Variants in CTSF observed in about 807,000 individuals in gnomAD.
CTSF encodes the protein cathepsin F.
In CTSF, 65 loss-of-function variants were observed where a neutral mutation model predicts 63.5. The ratio of observed to expected loss-of-function variants is 1.02; its 90% CI spans 0.84 to 1.26. CTSF has a LOEUF of 1.26. Ranked by LOEUF, CTSF falls within the 50% of genes most tolerant of loss-of-function variation. The probability of loss-of-function intolerance (pLI) is 0.00; values close to 1 mark genes in which losing one functional copy is unlikely to be tolerated. For synonymous variants in CTSF, 256 were observed against 258.1 expected (o/e 0.99, Z 0.08); for missense variants, 641 against 631.0 (o/e 1.02, Z -0.17).
chr11:66,564,158 T>C lies in CTSF; in HGVS notation c.1322-12A>G. The C allele has an allele frequency of 6.2e-7, 1 of 1,608,156 alleles. No homozygotes were observed. The highest frequency in any genetic ancestry group is 8.5e-7 in the Non-Finnish European group (1 of 1,177,334). On this transcript the variant is annotated splice_polypyrimidine_tract_variant and intron_variant, in intron 11 of 12. Transcript: ENST00000310325. ...GGGAACGTCAGAGCCTGGGGTGCAGTGCAGAGCGCAAGGATCAGGGTCCTT... is the reference window on the plus strand; with the variant it reads ...GGGAACGTCAGAGCCTGGGGTGCAGCGCAGAGCGCAAGGATCAGGGTCCTT...
Position 66,568,297 on chromosome 11 carries a change from G to A in CTSF, c.190C>T (p.Leu64Phe), listed in dbSNP as rs770803129. 12 of 1,358,998 alleles carry A rather than the reference G, an allele frequency of 8.8e-6. No individual in the cohort carries two copies. The highest frequency in any genetic ancestry group is 1.1e-5 in the Non-Finnish European group (12 of 1,067,308). The allele number at this position is 1,358,998 out of a possible 1,614,324, so 84.2% of individuals were successfully genotyped here. Reference protein sequence around the residue: ...RAAGTRAVLGLVRGRVRRAGQ... With the variant: ...RAAGTRAVLGFVRGRVRRAGQ... The stretch of plus-strand genomic sequence containing the variant: ...ACCCGGCGGACGCGGCCGCGCACAA[G>A]GCCCAGCACGGCCCGCGTCCCCGCA... The change falls in exon 1 of 13, where the codon CTT (leucine) becomes TTT (phenylalanine). Residue 64 changes from leucine to phenylalanine, a missense_variant. By Grantham distance (22) the Leu-to-Phe change is conservative. Transcript: ENST00000310325.
chr11:66,568,205 C>T, intron 1 of CTSF, 69 bp downstream of exon 1: 2 of 1,528,676 alleles, frequency 1.3e-6, no homozygotes, highest in Non-Finnish European at 1.8e-6. Context: ...AGGCCCCATC[C>T]CAATGTTAGG....
rs745744669 is a variant in CTSF, at chr11:66,564,779, CCT to C, written c.1191_1192del (p.Gly398ProfsTer32). 1 of 1,613,906 alleles carries C rather than the reference CCT, an allele frequency of 6.2e-7. No individual in the cohort carries two copies. Among genetic ancestry groups the C allele is most frequent in the Non-Finnish European group, 8.5e-7 (1 of 1,180,030 alleles). On this transcript the variant is annotated frameshift_variant, in exon 10 of 13. Coordinates refer to ENST00000310325, the MANE Select transcript of CTSF (RefSeq NM_003793.4). LOFTEE classifies it high-confidence loss of function. ...GGCATTGATGGCCACGGAGATTGGG[CCT>C]CTCTTGGCCAGCCAGGCTGCCAGCT... is the stretch of plus-strand genomic sequence containing the variant.
Position 66,563,808 on chromosome 11 carries a change from C to A in CTSF, c.*125G>T. 1 of 1,215,446 alleles carries A rather than the reference C, an allele frequency of 8.2e-7. No individual in the cohort carries two copies. Among genetic ancestry groups the A allele is most frequent in the South Asian group, 1.4e-5 (1 of 72,654 alleles). The allele number at this position is 1,215,446 out of a possible 1,614,324, so 75.3% of individuals were successfully genotyped here. Reference sequence around the variant, plus strand: ...GTGCCCCAGCCCAGTGCCCTCTGCTCACCCTGAGGTACCCAGTGCCTTTCC... The same window carrying A: ...GTGCCCCAGCCCAGTGCCCTCTGCTAACCCTGAGGTACCCAGTGCCTTTCC... On this transcript the variant is annotated 3_prime_UTR_variant, in exon 13 of 13. Coordinates refer to ENST00000310325, the MANE Select transcript of CTSF (RefSeq NM_003793.4).
chr11:66,568,342 T>A lies in CTSF; in HGVS notation c.145A>T (p.Met49Leu). ...LLAPTRFALE[M>L]FNRGRAAGTR... ...CCCGCAGCCCGGCCGCGGTTGAACA[T>A]CTCCAGCGCGAAGCGGGTGGGCGCC... Residue 49 changes from methionine to leucine, a missense_variant, in exon 1 of 13, where the codon ATG becomes TTG. Met to Leu is a conservative substitution (Grantham distance 15). Transcript: ENST00000310325. 1 of 1,306,326 alleles carries A rather than the reference T, an allele frequency of 7.7e-7. No homozygotes were observed. The allele number at this position is 1,306,326 out of a possible 1,614,324, so 80.9% of individuals were successfully genotyped here.
chr11:66,563,687 ACC>A lies in CTSF; in HGVS notation c.*244_*245del. On this transcript the variant is annotated 3_prime_UTR_variant, in exon 13 of 13. Coordinates refer to ENST00000310325, the MANE Select transcript of CTSF (RefSeq NM_003793.4). ...CCCCAGCTTCAACTGCCAAGATACC[ACC>A]CTTCACCCCGACATCCTCCTAAGCT... 1.7e-6 allele frequency: 1 copy of A among 594,246 alleles called. No individual in the cohort carries two copies. The highest frequency in any genetic ancestry group is 2.1e-5 in the South Asian group (1 of 46,988). 36.8% of individuals were successfully genotyped at this position (594,246 alleles called of 1,614,324 possible).
intron 4 of CTSF, among the ~76,000 whole-genome samples, chr11:66,566,907 T>C (rs568389834): frequency 2.6e-5 from 4 of 151,982 alleles, no homozygotes; most frequent in Non-Finnish European, 5.9e-5. Flanking sequence ...ACTTTTTTTT[T>C]AGTAGAGATG....
rs201693863 is a variant in CTSF, at chr11:66,564,816, G to C, written c.1166-10C>G. On this transcript the variant is annotated splice_polypyrimidine_tract_variant and intron_variant, in intron 9 of 12. Coordinates refer to ENST00000310325, the MANE Select transcript of CTSF (RefSeq NM_003793.4). Reference sequence around the variant, plus strand: ...AGCCAGGCTGCCAGCTCTGAGATGGGAAGGGGTGGCATCAGTAGGCACCCA... The same window carrying C: ...AGCCAGGCTGCCAGCTCTGAGATGGCAAGGGGTGGCATCAGTAGGCACCCA... 6.2e-7 allele frequency: 1 copy of C among 1,614,138 alleles called. No homozygotes were observed. Among genetic ancestry groups the C allele is most frequent in the Admixed American group, 1.7e-5 (1 of 60,032 alleles).
In CTSF at chr11:66,567,326, A is replaced by G; in HGVS notation, c.532-5T>C. The stretch of plus-strand genomic sequence containing the variant: ...AGCCATCTTCACAGGCAAGTCCTGG[A>G]TAGGCAGACCAGTCTTTAGGCTGAC... On this transcript the variant is annotated splice_polypyrimidine_tract_variant and splice_region_variant and intron_variant, in intron 3 of 12. Transcript: ENST00000310325. 1 of 1,614,186 alleles carries G rather than the reference A, an allele frequency of 6.2e-7. No individual in the cohort carries two copies. Among genetic ancestry groups the G allele is most frequent in the African/African-American group, 1.3e-5 (1 of 75,046 alleles).
intron 2 of CTSF, 139 bp from the exon 3 acceptor site, chr11:66,567,801 C>A (rs537428419): frequency 1.5e-6 from 2 of 1,373,554 alleles, no homozygotes; most frequent in Non-Finnish European, 1.9e-6. Flanking sequence ...CAGTGAGGCA[C>A]GGCCTGCACC....
At position 66,563,675 on chromosome 11, in the gene CTSF, T is replaced by G. The variant is rs1205569966; in HGVS notation, c.*258A>C. ...CCAGAGTTCTTGCCCCAGCTTCAAC[T>G]GCCAAGATACCACCCTTCACCCCGA... On this transcript the variant is annotated 3_prime_UTR_variant, in exon 13 of 13. Transcript: ENST00000310325. The G allele has an allele frequency of 1.9e-5, 11 of 585,098 alleles. No individual in the cohort carries two copies. Among genetic ancestry groups the G allele is most frequent in the Non-Finnish European group, 3.0e-6 (1 of 329,946 alleles). The allele number at this position is 585,098 out of a possible 1,614,324, so 36.2% of individuals were successfully genotyped here. A position where few individuals can be genotyped will look rare whatever the true frequency, so the allele number is the denominator to read the frequency against.
chr11:66,567,522 CAG>C lies in CTSF; in HGVS notation c.451_452del (p.Leu151ValfsTer21). 6.2e-7 allele frequency: 1 copy of C among 1,614,206 alleles called. No homozygotes were observed. Among genetic ancestry groups the C allele is most frequent in the Non-Finnish European group, 8.5e-7 (1 of 1,180,042 alleles). ...TTCTGTTGTCTGGATGGTTTTGGGACAGAGAAGAAATCATGGCTGAGCCCTGA... is the reference window on the plus strand; with the variant it reads ...TTCTGTTGTCTGGATGGTTTTGGGACAGAAGAAATCATGGCTGAGCCCTGA... The part of the protein sequence containing the change: ...FTQGSAMISS[L>X]SQNHPDNRNE... On this transcript the variant is annotated frameshift_variant, in exon 3 of 13. Coordinates refer to ENST00000310325, the MANE Select transcript of CTSF (RefSeq NM_003793.4). LOFTEE classifies it high-confidence loss of function.
rs1395593946 is a variant in CTSF at position 66,568,534 on chromosome 11, C to T, written c.-48G>A. 1.7e-5 allele frequency: 25 copies of T among 1,470,188 alleles called. No homozygotes were observed. Among genetic ancestry groups the T allele is most frequent in the Non-Finnish European group, 2.1e-5 (24 of 1,118,506 alleles). 91.1% of individuals were successfully genotyped at this position (1,470,188 alleles called of 1,614,324 possible). ...CGGACCCAACAGACGCTCCACCGAC[C>T]CACCGGGTACCGAGCCCGCGGCCAG... On this transcript the variant is annotated 5_prime_UTR_variant, in exon 1 of 13. Coordinates refer to ENST00000310325, the MANE Select transcript of CTSF (RefSeq NM_003793.4).
At chr11:66,566,512 G>C in intron 4 of CTSF, 108 bp from the exon 5 acceptor site, 1 of 957,182 alleles carries the variant, frequency 1.0e-6, no homozygotes. Flanking sequence ...TAGGGGTGGG[G>C]GCCAGACATG....
At chr11:66,564,467 T>TC in intron 11 of CTSF, 91 bp downstream of exon 11, 1 of 1,169,406 alleles carries the variant, frequency 8.6e-7, no homozygotes. Flanking sequence ...TCCTAGGCAT[T>TC]CCCCCTATTT....
chr11:66,568,220 A>T, intron 1 of CTSF, 54 bp downstream of exon 1: 1 of 1,526,216 alleles, frequency 6.6e-7, no homozygotes, highest in African/African-American at 1.4e-5. Context: ...GTTAGGTCAA[A>T]GCTCCTATCC....
At position 66,564,026 on chromosome 11, in the gene CTSF, T is replaced by C; in HGVS notation, c.1381-19A>G. 1.2e-6 allele frequency: 2 copies of C among 1,613,746 alleles called. No individual in the cohort carries two copies. The highest frequency in any genetic ancestry group is 4.5e-5 in the East Asian group (2 of 44,860). On this transcript the variant is annotated intron_variant, in intron 12 of 12. Coordinates refer to ENST00000310325, the MANE Select transcript of CTSF (RefSeq NM_003793.4). ...AGTAACCCTGGGGGAGAGGGGGAGC[T>C]GGTGAGGGCACCAGGGTAGGATGGC... is the stretch of plus-strand genomic sequence containing the variant.
Position 66,568,567 on chromosome 11 carries a change from T to C in CTSF, c.-81A>G. 1.4e-6 allele frequency: 2 copies of C among 1,411,854 alleles called. No homozygotes were observed. Among genetic ancestry groups the C allele is most frequent in the Non-Finnish European group, 9.3e-7 (1 of 1,080,616 alleles). The allele number at this position is 1,411,854 out of a possible 1,614,324, so 87.5% of individuals were successfully genotyped here. A position where few individuals can be genotyped will look rare whatever the true frequency, so the allele number is the denominator to read the frequency against. ...TACCGAGCCCGCGGCCAGCGGGGCC[T>C]GAGTCCTCCCTCCAGCGGGGCGACG... On this transcript the variant is annotated 5_prime_UTR_variant, in exon 1 of 13. Transcript: ENST00000310325.
chr11:66,565,963 G>A (rs764820313), intron 6 of CTSF, 36 bp from the exon 7 acceptor site: 2 of 1,614,108 alleles, frequency 1.2e-6, no homozygotes, highest in South Asian at 2.2e-5. Flanking sequence ...TCAGAGCCGG[G>A]CCCCTTCGTC....
Sources: allele counts gnomAD v4.1 joint callset (sites outside exome capture counted in the v4.1 genomes callset), GRCh38; gene constraint gnomAD v4.1.1; transcripts MANE v1.5; gene names NCBI Gene and HGNC (gene_info 2026-07-23, HGNC 2026-07-21).